Variants in CCDC47 observed in about 807,000 individuals in gnomAD.
CCDC47 encodes the protein coiled-coil domain containing 47.
A neutral mutation model predicts 60.5 loss-of-function variants in CCDC47; 41 were observed. The observed-to-expected ratio is 0.68, with a 90% confidence interval of 0.53 to 0.88. CCDC47 has a LOEUF of 0.88. CCDC47 is among the 40% of genes least tolerant of loss of function. The probability of loss-of-function intolerance (pLI) is 0.00; values close to 1 mark genes in which losing one functional copy is unlikely to be tolerated. For missense variants in CCDC47, 513 were observed against 580.9 expected (o/e 0.88, Z 1.20); for synonymous variants, 195 against 190.7 (o/e 1.02, Z -0.18).
At chr17:63,767,625 C>A (rs922341846) in intron 1 of CCDC47, among the ~76,000 whole-genome samples, 7 of 152,016 alleles carry the variant, frequency 4.6e-5, no homozygotes, top group African/African-American at 1.5e-4. Context: ...TGTTTTGACG[C>A]CCTACAAACT....
intron 8 of CCDC47, 34 bp downstream of exon 8, chr17:63,756,206 G>C: frequency 6.9e-7 from 1 of 1,449,254 alleles, no homozygotes. Flanking sequence ...TAAATGCCAA[G>C]GCCTGGCAAA....
chr17:63,768,479 A>G (rs887859140), intron 1 of CCDC47, among the ~76,000 whole-genome samples: 13 of 151,786 alleles, frequency 8.6e-5, no homozygotes, highest in Admixed American at 7.2e-4. Flanking sequence ...CTCGAGCCCA[A>G]GAGTTGGAGA....
At chr17:63,759,568 T>C (rs867662722) in intron 6 of CCDC47, among the ~76,000 whole-genome samples, 4 of 79,150 alleles carry the variant, frequency 5.1e-5, no homozygotes, top group Admixed American at 1.7e-4. Context: ...TATATATATA[T>C]ATATATATAA....
At chr17:63,758,028 T>G (rs2039220754) in intron 6 of CCDC47, among the ~76,000 whole-genome samples, 1 of 152,178 alleles carries the variant, frequency 6.6e-6, no homozygotes, top group Non-Finnish European at 1.5e-5. Context: ...TCCAAGCTGG[T>G]GAACACATCA....
intron 12 of CCDC47, 199 bp downstream of exon 12, chr17:63,751,741 C>T (rs1444323474): frequency 1.2e-5 from 8 of 641,664 alleles, no homozygotes; most frequent in East Asian, 2.7e-5. Context: ...TAATTTTTCA[C>T]GTTCACAGAC....
intron 1 of CCDC47, among the ~76,000 whole-genome samples, chr17:63,771,680 C>A (rs770860983): frequency 2.6e-5 from 4 of 152,162 alleles, no homozygotes; most frequent in African/African-American, 9.7e-5. Context: ...AGTTTCTCTT[C>A]TAGTTTTTCT....
chr17:63,753,249 G>T, intron 9 of CCDC47: 2 of 903,502 alleles, frequency 2.2e-6, no homozygotes, highest in Non-Finnish European at 2.6e-6. Flanking sequence ...ATCTACTACA[G>T]CATATATAAT....
At chr17:63,764,214 T>C (rs371286227) in intron 3 of CCDC47, 24 bp from the exon 4 acceptor site, 31 of 1,549,928 alleles carry the variant, frequency 2.0e-5, no homozygotes, top group Non-Finnish European at 2.7e-5. Context: ...ATCATTCCAT[T>C]AAATGTTGGC....
chr17:63,761,696 CAAAA>C, intron 4 of CCDC47: 1 of 260,622 alleles, frequency 3.8e-6, no homozygotes, highest in Non-Finnish European at 5.6e-6. Flanking sequence ...GACTCTGTCT[CAAAA>C]AAAAAAAAAG....
chr17:63,752,887 A>AAG, intron 9 of CCDC47, 88 bp from the exon 10 acceptor site: 1 of 1,522,362 alleles, frequency 6.6e-7, no homozygotes, highest in East Asian at 2.4e-5. Flanking sequence ...AGATGAACAG[A>AAG]TACCTGCACA....
chr17:63,752,643 T>G (rs2039175848), intron 10 of CCDC47, 98 bp downstream of exon 10: 1 of 1,262,422 alleles, frequency 7.9e-7, no homozygotes, highest in Non-Finnish European at 1.1e-6. Context: ...CTTATAGTTT[T>G]GACGTAGTTT....
At chr17:63,761,548 T>C (rs1371537564) in intron 4 of CCDC47, 197 bp from the exon 5 acceptor site, 3 of 394,436 alleles carry the variant, frequency 7.6e-6, no homozygotes, top group East Asian at 1.0e-4. Context: ...TTATAAAAAA[T>C]TAGCCGGGCA....
At chr17:63,754,292 C>CA in intron 9 of CCDC47, 141 bp downstream of exon 9, 1 of 650,314 alleles carries the variant, frequency 1.5e-6, no homozygotes, top group African/African-American at 1.9e-5. Flanking sequence ...TGCATGCAGT[C>CA]AAAGCAAAGG....
In CCDC47 at chr17:63,764,009, CACTT is replaced by C. The variant is rs1401610339; in HGVS notation, c.547+3_547+6del. ...CAAGAAGCTGGGCTGACATTGGCCT[CACTT>C]ACCCACTAAAGTAAAGTTGCTCTCC... On this transcript the variant is annotated splice_donor_5th_base_variant and intron_variant, in intron 4 of 12. Coordinates refer to ENST00000225726, the MANE Select transcript of CCDC47 (RefSeq NM_020198.3). 6.3e-7 allele frequency: 1 copy of C among 1,581,842 alleles called. No individual in the cohort carries two copies. Among genetic ancestry groups the C allele is most frequent in the Non-Finnish European group, 8.6e-7 (1 of 1,168,256 alleles).
intron 8 of CCDC47, among the ~76,000 whole-genome samples, chr17:63,755,863 T>C (rs967916651): frequency 1.3e-5 from 2 of 151,630 alleles, no homozygotes; most frequent in African/African-American, 2.4e-5. Flanking sequence ...ACCCCATCTT[T>C]TTAAAAACAA....
At chr17:63,771,899 T>C (rs555987377) in intron 1 of CCDC47, among the ~76,000 whole-genome samples, 38 of 151,982 alleles carry the variant, frequency 2.5e-4, no homozygotes, top group African/African-American at 8.2e-4. Flanking sequence ...TTGGCCAAAA[T>C]AGTGAAACCC....
rs568139326 is a variant in CCDC47, at chr17:63,766,197, T to TA, written c.-19-4dup. 9.0e-4 allele frequency: 1,411 copies of TA among 1,570,888 alleles called. 8 individuals carry two copies. In the South Asian group the frequency reaches 0.01, roughly 12 times the overall value. ...TCATTGCACCTTGAGAAAAAAAGCT[T>TA]AAAAAAAAAGAGAACCCCAAAATGG... On this transcript the variant is annotated splice_polypyrimidine_tract_variant and splice_region_variant and intron_variant, in intron 1 of 12. Coordinates refer to ENST00000225726, the MANE Select transcript of CCDC47 (RefSeq NM_020198.3).
At chr17:63,764,544 G>A (rs2039283689) in intron 3 of CCDC47, among the ~76,000 whole-genome samples, 196 bp downstream of exon 3, 1 of 151,918 alleles carries the variant, frequency 6.6e-6, no homozygotes, top group Non-Finnish European at 1.5e-5. Context: ...GATGAATAGG[G>A]GTTGCTTCTG....
intron 6 of CCDC47, among the ~76,000 whole-genome samples, chr17:63,758,329 T>C (rs1275789475): frequency 1.3e-5 from 2 of 152,168 alleles, no homozygotes; most frequent in Non-Finnish European, 2.9e-5. Context: ...CTTGTGGGGC[T>C]GAGCCCTTTA....
Sources: gnomAD v4.1 joint callset for allele counts (sites outside exome capture counted in the v4.1 genomes callset) on GRCh38, gnomAD v4.1.1 for gene constraint, MANE v1.5 for transcripts, NCBI Gene and HGNC (gene_info 2026-07-23, HGNC 2026-07-21) for gene names.